The following PRKCQ variants were observed in gnomAD, a reference collection of about 807,000 sequenced individuals.
The protein encoded by PRKCQ is protein kinase C theta.
A neutral mutation model predicts 91.2 loss-of-function variants in PRKCQ; 41 were observed. That is an observed-to-expected ratio of 0.45 (90% CI 0.35 to 0.58). The LOEUF (loss-of-function observed/expected upper bound fraction) is 0.58. PRKCQ is among the 20% of genes least tolerant of loss of function. The pLI, the probability that PRKCQ is intolerant of heterozygous loss-of-function variation, is 0.00. For missense variants in PRKCQ, 673 were observed against 896.5 expected, an observed-to-expected ratio of 0.75 and a Z score of 3.18; for synonymous variants, 307 against 316.9, an observed-to-expected ratio of 0.97 and a Z score of 0.33.
chr10:6,440,448 C>T (rs573609287), intron 16 of PRKCQ, among the ~76,000 whole-genome samples: 1 of 152,302 alleles, frequency 6.6e-6, no homozygotes, highest in East Asian at 1.9e-4. Flanking sequence ...TCAGCTTTAG[C>T]CATCCTCCAG....
At chr10:6,541,247 C>A (rs1839765961) in intron 1 of PRKCQ, among the ~76,000 whole-genome samples, 1 of 152,218 alleles carries the variant, frequency 6.6e-6, no homozygotes, top group Non-Finnish European at 1.5e-5. Flanking sequence ...GCTGTTGACT[C>A]TGCGTAAAGG....
chr10:6,437,032 C>A (rs968982008), intron 16 of PRKCQ, among the ~76,000 whole-genome samples: 4 of 152,202 alleles, frequency 2.6e-5, no homozygotes, highest in Non-Finnish European at 5.9e-5. Context: ...GAGCCTCCAC[C>A]TTGGGACTCA....
chr10:6,468,507 AATAAC>A (rs1835800294), intron 12 of PRKCQ, among the ~76,000 whole-genome samples: 1 of 152,228 alleles, frequency 6.6e-6, no homozygotes, highest in African/African-American at 2.4e-5. Context: ...TTATCAGACT[AATAAC>A]AGTTAATTTT....
chr10:6,564,134 CG>C (rs1051752904), intron 1 of PRKCQ, among the ~76,000 whole-genome samples: 1 of 152,066 alleles, frequency 6.6e-6, no homozygotes, highest in African/African-American at 2.4e-5. Context: ...GAAGAACTCA[CG>C]GGCCCCGCAA....
At chr10:6,395,352 G>C in the PRKCQ span, among the ~76,000 whole-genome samples, 11 of 152,082 alleles carry the variant, frequency 7.2e-5, no homozygotes, top group African/African-American at 4.8e-5. Context: ...GCGTGAACCA[G>C]CGCGCCCGGC....
In PRKCQ at chr10:6,427,367, A is replaced by AG. The variant is rs1441621486; in HGVS notation, c.*839dup. On this transcript the variant is annotated 3_prime_UTR_variant, in exon 18 of 18. Transcript: ENST00000263125. ...TGAAATCACCAGTCATGGCACGAGA[A>AG]GGGGTTAAGGTTCTTTTCCCAGGAG... 4 of 152,180 alleles carry AG rather than the reference A, an allele frequency of 2.6e-5. No homozygotes were observed. Among genetic ancestry groups the AG allele is most frequent in the African/African-American group, 9.7e-5 (4 of 41,428 alleles). The allele number at this position is 152,180 out of a possible 1,614,324, so 9.4% of individuals were successfully genotyped here. A position where few individuals can be genotyped will look rare whatever the true frequency, so the allele number is the denominator to read the frequency against.
chr10:6,495,721 A>T (rs1837550028), intron 7 of PRKCQ, among the ~76,000 whole-genome samples: 1 of 152,242 alleles, frequency 6.6e-6, no homozygotes, highest in Non-Finnish European at 1.5e-5. Context: ...TGTGGAATGA[A>T]AAAGGAAACG....
chr10:6,404,948 T>TTCTC, the PRKCQ span, among the ~76,000 whole-genome samples: 1 of 35,266 alleles, frequency 2.8e-5, no homozygotes, highest in African/African-American at 1.3e-4. Flanking sequence ...CCTTCCTTCC[T>TTCTC]TCCTTCTATC....
At chr10:6,514,256 G>A (rs770905396) in intron 2 of PRKCQ, among the ~76,000 whole-genome samples, 2 of 152,202 alleles carry the variant, frequency 1.3e-5, no homozygotes, top group Non-Finnish European at 2.9e-5. Flanking sequence ...AGTCAGGAGA[G>A]TTGTGGGATC....
chr10:6,515,336 G>T (rs1344892952), intron 1 of PRKCQ, 192 bp from the exon 2 acceptor site: 21 of 1,486,352 alleles, frequency 1.4e-5, no homozygotes, highest in Non-Finnish European at 1.9e-5. Context: ...ACCACACACT[G>T]ACTTGCTGAG....
chr10:6,400,390 A>G, the PRKCQ span, among the ~76,000 whole-genome samples: 3 of 152,206 alleles, frequency 2.0e-5, no homozygotes, highest in African/African-American at 7.2e-5. Flanking sequence ...GTCCATACAC[A>G]TTTGTTGAAT....
chr10:6,567,755 A>G (rs960989082), intron 1 of PRKCQ, among the ~76,000 whole-genome samples: 2 of 152,174 alleles, frequency 1.3e-5, no homozygotes, highest in African/African-American at 4.8e-5. Flanking sequence ...CTTTGGTTTC[A>G]TAATGTTGGT....
Position 6,464,298 on chromosome 10 carries a change from T to C in PRKCQ, c.1445+15A>G. The C allele has an allele frequency of 6.2e-7, 1 of 1,608,150 alleles. No homozygotes were observed. Among genetic ancestry groups the C allele is most frequent in the Non-Finnish European group, 8.5e-7 (1 of 1,176,834 alleles). ...AGAACAGTGGAAAACTCCCAAACCCTTTAAAGCCTCTTACGTCGCTCTGGA... is the reference window on the plus strand; with the variant it reads ...AGAACAGTGGAAAACTCCCAAACCCCTTAAAGCCTCTTACGTCGCTCTGGA... On this transcript the variant is annotated intron_variant, in intron 13 of 17. Coordinates refer to ENST00000263125, the MANE Select transcript of PRKCQ (RefSeq NM_006257.5).
At chr10:6,477,988 G>A (rs111693553) in intron 12 of PRKCQ, among the ~76,000 whole-genome samples, 83 of 152,316 alleles carry the variant, frequency 5.4e-4, no homozygotes, top group African/African-American at 1.9e-3. Flanking sequence ...AATTAGTGCG[G>A]GTGGTGGACA....
rs11258805 is a variant in PRKCQ, at chr10:6,437,720, C to T, written c.1836+4173G>A. Among the ~76,000 whole-genome samples, 1,070 of 151,706 alleles carry T rather than the reference C, an allele frequency of 7.1e-3. 17 individuals carry two copies. Among genetic ancestry groups the T allele is most frequent in the African/African-American group, 0.024 (1,007 of 41,318 alleles). ...AGGCTGGAGTGCAGTGGTGTGATCTCGGTTCACTACAAGCTCCGCCTCCCG... is the reference window on the plus strand; with the variant it reads ...AGGCTGGAGTGCAGTGGTGTGATCTTGGTTCACTACAAGCTCCGCCTCCCG... On this transcript the variant is annotated intron_variant, in intron 16 of 17. Coordinates refer to ENST00000263125, the MANE Select transcript of PRKCQ (RefSeq NM_006257.5).
intron 4 of PRKCQ, among the ~76,000 whole-genome samples, chr10:6,502,739 C>A (rs1295952032): frequency 6.6e-6 from 1 of 152,108 alleles, no homozygotes; most frequent in Non-Finnish European, 1.5e-5. Context: ...AAATGATTGA[C>A]TGATGCATTC....
At chr10:6,403,641 C>T in the PRKCQ span, among the ~76,000 whole-genome samples, 3 of 152,246 alleles carry the variant, frequency 2.0e-5, no homozygotes, top group Non-Finnish European at 4.4e-5. Context: ...GTTTCAAATG[C>T]TGTGTCAGAC....
At chr10:6,458,941 A>G (rs1468818333) in intron 14 of PRKCQ, among the ~76,000 whole-genome samples, 1 of 152,138 alleles carries the variant, frequency 6.6e-6, no homozygotes, top group Non-Finnish European at 1.5e-5. Context: ...GGCTTACATC[A>G]TCTTTGAAGA....
intron 2 of PRKCQ, among the ~76,000 whole-genome samples, chr10:6,513,577 A>G (rs1455220773): frequency 1.3e-5 from 2 of 152,204 alleles, no homozygotes; most frequent in East Asian, 1.9e-4. Context: ...TTACACTTCA[A>G]AGATGTCTGT....
Sources: gnomAD v4.1 joint callset for allele counts (sites outside exome capture counted in the v4.1 genomes callset) on GRCh38, gnomAD v4.1.1 for gene constraint, MANE v1.5 for transcripts, NCBI Gene and HGNC (gene_info 2026-07-23, HGNC 2026-07-21) for gene names.